The following DOCK2 variants were observed in gnomAD, a reference collection of about 807,000 sequenced individuals.
DOCK2 encodes dedicator of cytokinesis 2, also known as dedicator of cytokinesis protein 2.
DOCK2 carries 87 observed loss-of-function variants against 248.9 expected under a neutral mutation model. The observed-to-expected ratio is 0.35, with a 90% CI of 0.29 to 0.42. DOCK2 has a LOEUF of 0.42. Ranked by LOEUF, DOCK2 falls within the 10% of genes least tolerant of loss-of-function variation. The probability of loss-of-function intolerance (pLI) is 1.00; values close to 1 mark genes in which losing one functional copy is unlikely to be tolerated. For synonymous variants in DOCK2, 805 were observed against 821.6 expected (o/e 0.98, Z 0.35); for missense variants, 1,747 against 2,300.2 (o/e 0.76, Z 4.92).
intron 22 of DOCK2, among the ~76,000 whole-genome samples, chr5:169,735,615 C>A (rs761620176): frequency 8.5e-5 from 13 of 152,096 alleles, no homozygotes; most frequent in Admixed American, 2.6e-4. Context: ...GTATAAATTC[C>A]TTAATTGCAC....
intron 1 of DOCK2, among the ~76,000 whole-genome samples, chr5:169,645,043 T>A (rs540211271): frequency 9.8e-4 from 149 of 152,348 alleles, no homozygotes; most frequent in African/African-American, 3.4e-3. Context: ...CAATCTATCA[T>A]TGATGGGCAT....
intron 25 of DOCK2, 26 bp downstream of exon 25, chr5:169,761,651 G>T (rs752549311): frequency 6.2e-7 from 1 of 1,601,066 alleles, no homozygotes; most frequent in East Asian, 2.2e-5. Context: ...CCTTGCTGGG[G>T]TGGGGTAAGG....
At chr5:169,743,163 A>T (rs558363448) in intron 22 of DOCK2, among the ~76,000 whole-genome samples, 36 of 152,192 alleles carry the variant, frequency 2.4e-4, no homozygotes, top group Non-Finnish European at 4.1e-4. Context: ...AAGCTTTTCA[A>T]GGGGGGGTCC....
intron 44 of DOCK2, among the ~76,000 whole-genome samples, chr5:170,064,711 A>G (rs1170781053): frequency 6.6e-6 from 1 of 152,180 alleles, no homozygotes; most frequent in Non-Finnish European, 1.5e-5. Context: ...GAAATGACAG[A>G]AAACTTCCCA....
intron 26 of DOCK2, among the ~76,000 whole-genome samples, chr5:169,816,069 A>C (rs986303881): frequency 3.3e-5 from 5 of 152,252 alleles, no homozygotes; most frequent in Admixed American, 1.3e-4. Flanking sequence ...ACATGAGTTA[A>C]AAGCCCTCTC....
intron 27 of DOCK2, among the ~76,000 whole-genome samples, chr5:169,957,687 A>G (rs1561850231): frequency 1.3e-5 from 2 of 152,090 alleles, no homozygotes; most frequent in Non-Finnish European, 1.5e-5. Context: ...AACCCTTCTG[A>G]GTTTTTCAGC....
At chr5:169,977,628 C>A (rs905624724) in intron 27 of DOCK2, among the ~76,000 whole-genome samples, 2 of 152,126 alleles carry the variant, frequency 1.3e-5, no homozygotes, top group African/African-American at 4.8e-5. Context: ...GCTCCTAAGC[C>A]CCCACTCTCA....
chr5:169,722,679 T>C (rs573222984), intron 22 of DOCK2, among the ~76,000 whole-genome samples: 8 of 152,240 alleles, frequency 5.3e-5, no homozygotes, highest in Non-Finnish European at 1.2e-4. Context: ...AAGTGCTCCA[T>C]GCAATATCTG....
At chr5:169,968,614 G>C (rs559952257) in intron 27 of DOCK2, among the ~76,000 whole-genome samples, 83 of 152,268 alleles carry the variant, frequency 5.5e-4, no homozygotes, top group African/African-American at 1.6e-3. Context: ...TTTTCATTTT[G>C]ATGAATGATT....
chr5:169,892,021 AAAAAG>A (rs1243606805), intron 27 of DOCK2, among the ~76,000 whole-genome samples: 1 of 151,970 alleles, frequency 6.6e-6, no homozygotes. Context: ...AAGAAAAAGA[AAAAAG>A]AAAAGAAAAA....
chr5:169,724,869 T>C (rs1762394783), intron 22 of DOCK2, among the ~76,000 whole-genome samples: 1 of 152,142 alleles, frequency 6.6e-6, no homozygotes, highest in African/African-American at 2.4e-5. Context: ...GCATAGTAGT[T>C]TACCCTCTAG....
At chr5:169,988,807 A>C (rs1191355678) in intron 29 of DOCK2, among the ~76,000 whole-genome samples, 1 of 152,230 alleles carries the variant, frequency 6.6e-6, no homozygotes, top group Non-Finnish European at 1.5e-5. Flanking sequence ...CATTTTGCCC[A>C]GAGAGGTGAA....
At chr5:170,069,116 C>T (rs1757593396) in intron 45 of DOCK2, 21 bp from the exon 46 acceptor site, 36 of 1,609,986 alleles carry the variant, frequency 2.2e-5, no homozygotes, top group African/African-American at 4.0e-5. Context: ...GAAACCCTGA[C>T]CTCCTATCTG....
intron 27 of DOCK2, among the ~76,000 whole-genome samples, chr5:169,846,814 G>T (rs1313117347): frequency 6.6e-6 from 1 of 152,070 alleles, no homozygotes; most frequent in East Asian, 1.9e-4. Context: ...AGTGTGCATT[G>T]TACCTAATAT....
chr5:169,717,645 T>C (rs938506571), intron 21 of DOCK2, among the ~76,000 whole-genome samples, 161 bp downstream of exon 21: 1 of 152,222 alleles, frequency 6.6e-6, no homozygotes, highest in Admixed American at 6.5e-5. Flanking sequence ...TTGGATATCA[T>C]TAAAAATGTG....
At chr5:169,689,403 G>A in intron 9 of DOCK2, 70 bp downstream of exon 9, 2 of 1,543,362 alleles carry the variant, frequency 1.3e-6, no homozygotes, top group Non-Finnish European at 1.8e-6. Context: ...AATGAGGCTG[G>A]TCAGGAGCTC....
Position 169,905,480 on chromosome 5 carries a change from T to G in DOCK2, c.2799+64628T>G, listed in dbSNP as rs752272520. On this transcript the variant is annotated intron_variant, in intron 27 of 51. Transcript: ENST00000520908. ...GTGGTTTAAAATTGGGTCCTCAGTA[T>G]AAATAGCTCGAGGCTGCCAGGCAGA... Among the ~76,000 whole-genome samples the G allele has an allele frequency of 4.6e-5, 7 of 152,320 alleles. No homozygotes were observed. In the East Asian group the frequency reaches 1.2e-3, roughly 25 times the overall value.
At position 169,957,197 on chromosome 5, in the gene DOCK2, A is replaced by G. The variant is rs1354060634; in HGVS notation, c.2800-25871A>G. On this transcript the variant is annotated intron_variant, in intron 27 of 51. Transcript: ENST00000520908. ...ATGGGTACTCAATAAATAATGGTGA[A>G]TAAATGAATGAATGAATTAATTAAA... Among the ~76,000 whole-genome samples, 6 of 152,238 alleles carry G rather than the reference A, an allele frequency of 3.9e-5. No individual in the cohort carries two copies. The South Asian group carries it at 6.2e-4, about 16-fold the overall frequency.
At chr5:169,949,281 T>C (rs1441629191) in intron 27 of DOCK2, among the ~76,000 whole-genome samples, 1 of 152,162 alleles carries the variant, frequency 6.6e-6, no homozygotes. Flanking sequence ...CCTCCTGTTC[T>C]TTACTTCCCA....
Sources: gnomAD v4.1 joint callset for allele counts (sites outside exome capture counted in the v4.1 genomes callset) on GRCh38, gnomAD v4.1.1 for gene constraint, MANE v1.5 for transcripts, NCBI Gene and HGNC (gene_info 2026-07-23, HGNC 2026-07-21) for gene names.